The following MGAT4C variants were observed in gnomAD, a reference collection of about 807,000 sequenced individuals.
MGAT4C encodes the protein alpha-1,3-mannosyl-glycoprotein 4-beta-N-acetylglucosaminyltransferase C.
MGAT4C carries 19 observed loss-of-function variants against 40.1 expected under a neutral mutation model. That is an observed-to-expected ratio of 0.47 (90% CI 0.33 to 0.70). MGAT4C has a LOEUF of 0.70. Among genes scored for constraint, MGAT4C ranks in the 30% least tolerant of loss-of-function variants. The pLI is 0.02. For synonymous variants in MGAT4C, 181 were observed against 187.1 expected (o/e 0.97, Z 0.27); for missense variants, 491 against 563.2 (o/e 0.87, Z 1.30).
chr12:86,044,413 G>A (rs1459798236), intron 2 of MGAT4C, among the ~76,000 whole-genome samples: 1 of 152,174 alleles, frequency 6.6e-6, no homozygotes, highest in African/African-American at 2.4e-5. Flanking sequence ...CTGGGATGCT[G>A]GTGGGTTTGC....
In MGAT4C at chr12:86,746,597, C is replaced by A. The variant is rs113851818; in HGVS notation, c.-261-19356G>T. The stretch of plus-strand genomic sequence containing the variant: ...GACTATTATTCACTGAAATACTAAA[C>A]TTCAAATACAGTGAATTATTCACAG... On this transcript the variant is annotated intron_variant, in intron 1 of 7. Transcript: ENST00000548651. Among the ~76,000 whole-genome samples, 1,219 of 151,794 alleles carry A rather than the reference C, an allele frequency of 8.0e-3. 13 individuals are homozygous for A. Among genetic ancestry groups the A allele is most frequent in the African/African-American group, 0.028 (1,165 of 41,498 alleles).
Position 86,596,000 on chromosome 12 carries a change from G to A in MGAT4C, c.-229+131209C>T, listed in dbSNP as rs955365593. 5.3e-5 allele frequency among the ~76,000 whole-genome samples: 8 copies of A among 152,036 alleles called. No homozygotes were observed. In the East Asian group the frequency reaches 5.8e-4, roughly 11 times the overall value. On this transcript the variant is annotated intron_variant, in intron 2 of 7. Coordinates refer to the MGAT4C transcript ENST00000548651. ...CCCTTGAAAGGGTCCCTTATCAGAC[G>A]CTATTAACTAATCCTTGTACTATTA...
intron 2 of MGAT4C, among the ~76,000 whole-genome samples, chr12:86,725,623 G>C (rs1329840995): frequency 2.0e-5 from 3 of 152,022 alleles, no homozygotes; most frequent in Admixed American, 6.6e-5. Flanking sequence ...GCCTCGCCCG[G>C]CTAATTTCTT....
At chr12:86,790,482 C>T (rs1952004085) in intron 1 of MGAT4C, among the ~76,000 whole-genome samples, 1 of 151,984 alleles carries the variant, frequency 6.6e-6, no homozygotes. Context: ...TTCTTAAAAG[C>T]ATACCGAAAA....
At chr12:86,440,095 G>C (rs1261750112) in intron 2 of MGAT4C, among the ~76,000 whole-genome samples, 1 of 152,076 alleles carries the variant, frequency 6.6e-6, no homozygotes, top group Non-Finnish European at 1.5e-5. Context: ...AAATGATTGA[G>C]AAAGAGGGAA....
intron 1 of MGAT4C, among the ~76,000 whole-genome samples, chr12:86,785,848 A>G (rs1951921794): frequency 6.6e-6 from 1 of 151,852 alleles, no homozygotes; most frequent in Non-Finnish European, 1.5e-5. Flanking sequence ...TAGGTACCCA[A>G]AATTTTCCCA....
At chr12:86,789,478 A>AC (rs1360803125) in intron 1 of MGAT4C, among the ~76,000 whole-genome samples, 2 of 152,102 alleles carry the variant, frequency 1.3e-5, no homozygotes, top group Non-Finnish European at 2.9e-5. Flanking sequence ...TCAAGTCCCT[A>AC]CCTTGAATCC....
At chr12:86,082,475 G>C (rs1394126036) in intron 1 of MGAT4C, among the ~76,000 whole-genome samples, 1 of 152,094 alleles carries the variant, frequency 6.6e-6, no homozygotes, top group African/African-American at 2.4e-5. Flanking sequence ...AGACAATCTG[G>C]AGCATATCTT....
chr12:86,141,499 C>G (rs1463875116), intron 1 of MGAT4C, among the ~76,000 whole-genome samples: 1 of 152,046 alleles, frequency 6.6e-6, no homozygotes, highest in Non-Finnish European at 1.5e-5. Context: ...TTTCATGTGT[C>G]TAGGCATAAA....
intron 2 of MGAT4C, among the ~76,000 whole-genome samples, chr12:86,588,054 G>T (rs1445374226): frequency 4.6e-5 from 7 of 151,800 alleles, no homozygotes; most frequent in Non-Finnish European, 8.8e-5. Context: ...CTTCCAGTTT[G>T]TGCCCATTCA....
intron 1 of MGAT4C, among the ~76,000 whole-genome samples, chr12:86,101,044 C>G (rs922740627): frequency 6.6e-6 from 1 of 151,652 alleles, no homozygotes; most frequent in Non-Finnish European, 1.5e-5. Context: ...ATTCACTTCT[C>G]AACTGTAATG....
At chr12:86,297,717 T>C (rs1416106557) in intron 4 of MGAT4C, among the ~76,000 whole-genome samples, 3 of 152,104 alleles carry the variant, frequency 2.0e-5, no homozygotes, top group Non-Finnish European at 4.4e-5. Context: ...TATCAACTCA[T>C]ACACAGGTGG....
intron 3 of MGAT4C, among the ~76,000 whole-genome samples, chr12:86,366,489 T>C (rs1481968628): frequency 6.6e-6 from 1 of 152,192 alleles, no homozygotes; most frequent in Non-Finnish European, 1.5e-5. Flanking sequence ...CAAAAACCTA[T>C]GTTCTCAGTT....
intron 3 of MGAT4C, among the ~76,000 whole-genome samples, chr12:86,355,103 A>T (rs546769830): frequency 6.6e-6 from 1 of 152,250 alleles, no homozygotes; most frequent in South Asian, 2.1e-4. Flanking sequence ...GTTTTTACAG[A>T]GCACTGATTG....
chr12:86,588,083 G>T (rs1181514627), intron 2 of MGAT4C, among the ~76,000 whole-genome samples: 5 of 151,776 alleles, frequency 3.3e-5, no homozygotes, highest in African/African-American at 1.2e-4. Context: ...TTGGCTGTGG[G>T]TCTGTCATAG....
chr12:86,177,635 C>G (rs1003089307), intron 1 of MGAT4C, among the ~76,000 whole-genome samples: 1 of 151,778 alleles, frequency 6.6e-6, no homozygotes, highest in African/African-American at 2.4e-5. Context: ...AATACATATG[C>G]TAAAAGGATT....
At chr12:86,617,226 C>A (rs1593047779) in intron 2 of MGAT4C, among the ~76,000 whole-genome samples, 1 of 152,106 alleles carries the variant, frequency 6.6e-6, no homozygotes, top group Non-Finnish European at 1.5e-5. Flanking sequence ...AATAGTTTCA[C>A]GTAATTTTTT....
intron 1 of MGAT4C, among the ~76,000 whole-genome samples, chr12:86,834,709 T>A (rs1161174135): frequency 6.6e-6 from 1 of 151,558 alleles, no homozygotes; most frequent in Non-Finnish European, 1.5e-5. Flanking sequence ...TGGGTCAAAA[T>A]ATCCAAAAAT....
chr12:86,440,768 T>C (rs1168051506), intron 2 of MGAT4C, among the ~76,000 whole-genome samples: 2 of 152,018 alleles, frequency 1.3e-5, no homozygotes, highest in African/African-American at 4.8e-5. Flanking sequence ...ATAAATAAAT[T>C]TAGTAAAGTC....
Sources: gnomAD v4.1 joint callset for allele counts (sites outside exome capture counted in the v4.1 genomes callset) on GRCh38, gnomAD v4.1.1 for gene constraint, MANE v1.5 for transcripts, NCBI Gene and HGNC (gene_info 2026-07-23, HGNC 2026-07-21) for gene names.